Variants in ACTR3 observed in about 807,000 individuals in gnomAD.
The protein encoded by ACTR3 is actin-related protein 3.
ACTR3 carries 12 observed loss-of-function variants against 56.8 expected under a neutral mutation model. That is an observed-to-expected ratio of 0.21 (90% CI 0.14 to 0.34). The LOEUF is 0.34. Among genes scored for constraint, ACTR3 ranks in the 10% least tolerant of loss-of-function variants. The pLI is 1.00. For missense variants in ACTR3, 282 were observed against 512.5 expected, an observed-to-expected ratio of 0.55 and a Z score of 4.34; for synonymous variants, 162 against 167.4, an observed-to-expected ratio of 0.97 and a Z score of 0.25.
chr2:113,946,764 C>A (rs543150767), intron 8 of ACTR3, among the ~76,000 whole-genome samples: 2 of 152,220 alleles, frequency 1.3e-5, no homozygotes, highest in South Asian at 4.1e-4. Context: ...TTGCCCATAC[C>A]CGTGTCCAGA....
At chr2:113,922,533 G>A (rs1007671869) in intron 3 of ACTR3, among the ~76,000 whole-genome samples, 16 of 152,300 alleles carry the variant, frequency 1.1e-4, no homozygotes, top group African/African-American at 3.6e-4. Context: ...GGTAGGGGCG[G>A]CATTGACACT....
chr2:113,890,440 C>CTAG (rs1320766866), intron 1 of ACTR3, 117 bp downstream of exon 1: 1 of 1,303,512 alleles, frequency 7.7e-7, no homozygotes, highest in Non-Finnish European at 1.0e-6. Context: ...GCTGTCAGTC[C>CTAG]TAGACCCGCC....
At chr2:113,907,340 A>G (rs180826571) in intron 1 of ACTR3, among the ~76,000 whole-genome samples, 18 of 152,256 alleles carry the variant, frequency 1.2e-4, no homozygotes, top group African/African-American at 4.3e-4. Flanking sequence ...GGGCAGTCAT[A>G]GCTCCTCCAT....
intron 1 of ACTR3, chr2:113,905,353 T>C (rs1679173087): frequency 2.0e-5 from 3 of 151,928 alleles, no homozygotes; most frequent in Non-Finnish European, 1.5e-5. Flanking sequence ...TAGTCTTAGC[T>C]ACTTGGGAGG....
intron 1 of ACTR3, among the ~76,000 whole-genome samples, chr2:113,894,881 G>A (rs1056293250): frequency 6.6e-6 from 1 of 152,116 alleles, no homozygotes; most frequent in Admixed American, 6.5e-5. Flanking sequence ...TGTTCTTTCT[G>A]TTAACACTCC....
At chr2:113,951,303 A>T in intron 8 of ACTR3, 176 bp from the exon 9 acceptor site, 1 of 526,044 alleles carries the variant, frequency 1.9e-6, no homozygotes. Flanking sequence ...GGTATATATC[A>T]TCATAATTTT....
chr2:113,900,548 A>G (rs916540226), intron 1 of ACTR3, among the ~76,000 whole-genome samples: 1 of 152,244 alleles, frequency 6.6e-6, no homozygotes, highest in Non-Finnish European at 1.5e-5. Flanking sequence ...GCCTATGGAT[A>G]AAGGAAAATC....
At chr2:113,912,399 G>T (rs1208875799) in intron 1 of ACTR3, among the ~76,000 whole-genome samples, 1 of 152,082 alleles carries the variant, frequency 6.6e-6, no homozygotes, top group Admixed American at 6.6e-5. Flanking sequence ...CATACTGCTT[G>T]TCAGAGCTCA....
chr2:113,945,759 C>T (rs13383701), intron 8 of ACTR3, among the ~76,000 whole-genome samples: 81 of 152,096 alleles, frequency 5.3e-4, no homozygotes, highest in African/African-American at 1.8e-3. Flanking sequence ...AGTCTAGTAT[C>T]CGTTAGCTAT....
At chr2:113,915,438 G>A (rs1018884568) in intron 2 of ACTR3, among the ~76,000 whole-genome samples, 1 of 152,126 alleles carries the variant, frequency 6.6e-6, no homozygotes, top group African/African-American at 2.4e-5. Flanking sequence ...TGATAACTTC[G>A]TTTTAACTGT....
chr2:113,937,019 C>T (rs1442985445), intron 6 of ACTR3, among the ~76,000 whole-genome samples: 5 of 152,132 alleles, frequency 3.3e-5, no homozygotes, highest in Non-Finnish European at 5.9e-5. Flanking sequence ...AAAACAGTCA[C>T]GTTCTGAGAT....
chr2:113,921,049 G>A (rs1252486742), intron 3 of ACTR3, among the ~76,000 whole-genome samples: 2 of 152,106 alleles, frequency 1.3e-5, no homozygotes, highest in Admixed American at 1.3e-4. Flanking sequence ...TCTGTACTAT[G>A]CTTTATAGTG....
At chr2:113,946,423 A>G (rs531924852) in intron 8 of ACTR3, among the ~76,000 whole-genome samples, 17 of 152,016 alleles carry the variant, frequency 1.1e-4, no homozygotes, top group Non-Finnish European at 2.2e-4. Flanking sequence ...ATGAGATGGT[A>G]TCTCATTGTG....
intron 1 of ACTR3, among the ~76,000 whole-genome samples, chr2:113,895,992 G>T (rs1429273178): frequency 3.3e-5 from 5 of 152,014 alleles, no homozygotes; most frequent in African/African-American, 1.2e-4. Context: ...CCGAGTAGCT[G>T]GGACTACAGG....
chr2:113,894,306 T>TG (rs1372304652), intron 1 of ACTR3, among the ~76,000 whole-genome samples: 1 of 152,180 alleles, frequency 6.6e-6, no homozygotes, highest in Non-Finnish European at 1.5e-5. Flanking sequence ...TTGGCCAGGC[T>TG]GTTGTTGAAC....
chr2:113,901,512 A>G (rs1276791717), intron 1 of ACTR3, among the ~76,000 whole-genome samples: 1 of 152,224 alleles, frequency 6.6e-6, no homozygotes, highest in African/African-American at 2.4e-5. Context: ...TGGTAATCAT[A>G]TCTTACATAA....
At chr2:113,923,602 T>C (rs1039891876) in intron 3 of ACTR3, among the ~76,000 whole-genome samples, 1 of 152,190 alleles carries the variant, frequency 6.6e-6, no homozygotes, top group African/African-American at 2.4e-5. Context: ...CCCAAAGTGC[T>C]GGGATTACAG....
intron 3 of ACTR3, among the ~76,000 whole-genome samples, chr2:113,923,651 A>G (rs554031099): frequency 6.0e-5 from 9 of 149,976 alleles, no homozygotes; most frequent in Non-Finnish European, 1.3e-4. Flanking sequence ...GTTTGTTTTT[A>G]TTTGTTGTTT....
At chr2:113,890,447 C>A in intron 1 of ACTR3, 124 bp downstream of exon 1, 2 of 1,268,866 alleles carry the variant, frequency 1.6e-6, no homozygotes, top group Non-Finnish European at 1.0e-6. Flanking sequence ...GTCCTAGACC[C>A]GCCGGCCAGC....
Sources: allele counts gnomAD v4.1 joint callset (sites outside exome capture counted in the v4.1 genomes callset), GRCh38; gene constraint gnomAD v4.1.1; transcripts MANE v1.5; gene names NCBI Gene and HGNC (gene_info 2026-07-23, HGNC 2026-07-21).